Variants in CCDC178 observed in about 807,000 individuals in gnomAD.
CCDC178 encodes coiled-coil domain containing 178.
CCDC178 carries 126 observed loss-of-function variants against 117.4 expected under a neutral mutation model. That is an observed-to-expected ratio of 1.07 (90% CI 0.93 to 1.24). The LOEUF is 1.24. Among genes scored for constraint, CCDC178 ranks in the 50% most tolerant of loss-of-function variants. The pLI is 0.00. For missense variants in CCDC178, 1,030 were observed against 986.9 expected (o/e 1.04, Z -0.59); for synonymous variants, 283 against 313.4 (o/e 0.90, Z 1.02).
chr18:33,321,153 G>A (rs914964444), intron 11 of CCDC178, among the ~76,000 whole-genome samples: 1 of 152,102 alleles, frequency 6.6e-6, no homozygotes, highest in Non-Finnish European at 1.5e-5. Context: ...GAAAACCTAG[G>A]CTTTACCATT....
intron 9 of CCDC178, among the ~76,000 whole-genome samples, chr18:33,337,118 T>C (rs917732087): frequency 6.8e-6 from 1 of 147,516 alleles, no homozygotes; most frequent in Admixed American, 6.9e-5. Context: ...TTTCACATCC[T>C]TAGGTATATT....
intron 5 of CCDC178, among the ~76,000 whole-genome samples, chr18:33,376,369 AAAG>A (rs1286563654): frequency 2.0e-5 from 3 of 152,162 alleles, no homozygotes; most frequent in Non-Finnish European, 4.4e-5. Context: ...ATAAGAAAGT[AAAG>A]ATGTTCCAAA....
chr18:33,105,338 A>AT (rs1222546945), intron 20 of CCDC178, among the ~76,000 whole-genome samples: 1 of 151,552 alleles, frequency 6.6e-6, no homozygotes, highest in Non-Finnish European at 1.5e-5. Flanking sequence ...ACTTCTGTGA[A>AT]TTTTTTTGTG....
chr18:32,947,632 T>A (rs2054386139), intron 22 of CCDC178, among the ~76,000 whole-genome samples: 1 of 152,162 alleles, frequency 6.6e-6, no homozygotes, highest in African/African-American at 2.4e-5. Context: ...ATCAGATATA[T>A]CCCCTACAAA....
At chr18:33,229,295 A>G (rs1195568216) in intron 15 of CCDC178, among the ~76,000 whole-genome samples, 1 of 152,178 alleles carries the variant, frequency 6.6e-6, no homozygotes, top group Non-Finnish European at 1.5e-5. Context: ...TGGTCATTAA[A>G]TGTGAGCTAC....
intron 19 of CCDC178, among the ~76,000 whole-genome samples, chr18:33,212,992 C>A (rs1415924365): frequency 2.0e-5 from 3 of 151,972 alleles, no homozygotes; most frequent in African/African-American, 7.2e-5. Context: ...AATTAAATCA[C>A]TTGCACAGTT....
intron 20 of CCDC178, among the ~76,000 whole-genome samples, chr18:33,176,444 CA>C (rs1348863537): frequency 5.3e-5 from 8 of 152,122 alleles, no homozygotes; most frequent in African/African-American, 1.7e-4. Flanking sequence ...CTGGGCCCAT[CA>C]AGAGATTTAC....
Position 33,287,307 on chromosome 18 carries a change from C to A in CCDC178, c.1176+5852G>T, listed in dbSNP as rs1355983725. The stretch of plus-strand genomic sequence containing the variant: ...TCGTTGCTTTTAATTGAATGCTTAA[C>A]ATGTGCTCTTTGAAAATCTAGCTTA... On this transcript the variant is annotated intron_variant, in intron 12 of 22. Coordinates refer to ENST00000383096, the MANE Select transcript of CCDC178 (RefSeq NM_001105528.4). 3.9e-5 allele frequency among the ~76,000 whole-genome samples: 6 copies of A among 152,290 alleles called. No individual in the cohort carries two copies. The South Asian group carries it at 1.0e-3, about 26-fold the overall frequency.
At chr18:33,237,122 AC>A (rs1401529836) in intron 15 of CCDC178, among the ~76,000 whole-genome samples, 1 of 152,024 alleles carries the variant, frequency 6.6e-6, no homozygotes, top group Admixed American at 6.6e-5. Flanking sequence ...TCTAGAGTGT[AC>A]CCTTCTCTGG....
chr18:33,296,502 A>G (rs2062107929), intron 11 of CCDC178, among the ~76,000 whole-genome samples: 1 of 152,194 alleles, frequency 6.6e-6, no homozygotes, highest in Non-Finnish European at 1.5e-5. Flanking sequence ...ACAATACAAG[A>G]TACTCCCATT....
intron 20 of CCDC178, among the ~76,000 whole-genome samples, chr18:33,116,441 A>G (rs2057856834): frequency 6.6e-6 from 1 of 152,154 alleles, no homozygotes. Context: ...AGCAGCTTAA[A>G]ACAACATCCA....
chr18:33,425,102 A>G (rs968322641), intron 2 of CCDC178, among the ~76,000 whole-genome samples: 1 of 152,196 alleles, frequency 6.6e-6, no homozygotes, highest in Non-Finnish European at 1.5e-5. Flanking sequence ...CTGGAACTGA[A>G]AGTAAAAAAT....
At chr18:33,264,103 C>A (rs375678954) in intron 14 of CCDC178, among the ~76,000 whole-genome samples, 29 of 151,970 alleles carry the variant, frequency 1.9e-4, no homozygotes, top group African/African-American at 7.0e-4. Flanking sequence ...ATAAAACAAT[C>A]TAGCAGATTT....
At chr18:33,064,901 C>G (rs2056984870) in intron 21 of CCDC178, among the ~76,000 whole-genome samples, 1 of 151,992 alleles carries the variant, frequency 6.6e-6, no homozygotes, top group South Asian at 2.1e-4. Flanking sequence ...CAACAGAACA[C>G]TATTCATCCA....
At chr18:33,023,994 G>A (rs2056174171) in intron 21 of CCDC178, among the ~76,000 whole-genome samples, 2 of 152,212 alleles carry the variant, frequency 1.3e-5, no homozygotes, top group African/African-American at 2.4e-5. Context: ...TGGCAACTTC[G>A]ATGAAATTAA....
chr18:32,947,722 A>G lies in CCDC178; in HGVS notation c.2524-9631T>C, dbSNP rs554956836. Reference sequence around the variant, plus strand: ...GGTCAGAAGTTTTACATTTTGATAAAATCCAATTTATTATTTTATTCTTGT... The same window carrying G: ...GGTCAGAAGTTTTACATTTTGATAAGATCCAATTTATTATTTTATTCTTGT... On this transcript the variant is annotated intron_variant, in intron 22 of 22. Transcript: ENST00000383096. Among the ~76,000 whole-genome samples, 6 of 152,198 alleles carry G rather than the reference A, an allele frequency of 3.9e-5. No individual in the cohort carries two copies. The East Asian group carries it at 1.2e-3, about 29-fold the overall frequency.
At chr18:33,433,224 C>A (rs531422817) in intron 2 of CCDC178, among the ~76,000 whole-genome samples, 1 of 152,240 alleles carries the variant, frequency 6.6e-6, no homozygotes, top group Admixed American at 6.5e-5. Flanking sequence ...GATATCCATG[C>A]ATTGGCATGG....
intron 21 of CCDC178, among the ~76,000 whole-genome samples, chr18:32,996,464 T>C (rs902123355): frequency 6.6e-6 from 1 of 151,904 alleles, no homozygotes; most frequent in African/African-American, 2.4e-5. Flanking sequence ...GTCAACAATG[T>C]TGAGAAAACT....
chr18:33,300,845 G>A (rs753651830), intron 11 of CCDC178, among the ~76,000 whole-genome samples: 155 of 152,200 alleles, frequency 1.0e-3, no homozygotes, highest in Non-Finnish European at 1.2e-3. Flanking sequence ...GAAGCAGAGA[G>A]TAAAAGTCTG....
Sources: allele counts gnomAD v4.1 joint callset (sites outside exome capture counted in the v4.1 genomes callset), GRCh38; gene constraint gnomAD v4.1.1; transcripts MANE v1.5; gene names NCBI Gene and HGNC (gene_info 2026-07-23, HGNC 2026-07-21).